DCDC2: variants seen among roughly 807,000 people sequenced by gnomAD.
DCDC2 encodes the protein doublecortin domain-containing protein 2.
A neutral mutation model predicts 50.2 loss-of-function variants in DCDC2; 40 were observed. The observed-to-expected ratio is 0.80, with a 90% confidence interval of 0.62 to 1.04. DCDC2 has a LOEUF of 1.04. Ranked by LOEUF, DCDC2 falls within the 50% of genes least tolerant of loss-of-function variation. DCDC2 has a pLI of 0.00. For missense variants in DCDC2, 570 were observed against 581.9 expected (o/e 0.98, Z 0.21); for synonymous variants, 234 against 210.6 (o/e 1.11, Z -0.96).
chr6:24,262,224 G>A (rs748617219), intron 7 of DCDC2, among the ~76,000 whole-genome samples: 1 of 151,212 alleles, frequency 6.6e-6, no homozygotes, highest in African/African-American at 2.4e-5. Flanking sequence ...GTAACTCACT[G>A]CTGCCTTGTC....
intron 7 of DCDC2, among the ~76,000 whole-genome samples, chr6:24,225,199 T>G (rs1002677410): frequency 6.6e-6 from 1 of 152,154 alleles, no homozygotes; most frequent in African/African-American, 2.4e-5. Flanking sequence ...ATAACTGCTG[T>G]GGGACTCTGG....
chr6:24,235,384 TGTAAAA>T (rs1762422305), intron 7 of DCDC2, among the ~76,000 whole-genome samples: 1 of 152,172 alleles, frequency 6.6e-6, no homozygotes, highest in Non-Finnish European at 1.5e-5. Context: ...GTTCCATAGA[TGTAAAA>T]GTTCTCAGCA....
chr6:24,244,375 GA>G, intron 7 of DCDC2, among the ~76,000 whole-genome samples: 1 of 152,306 alleles, frequency 6.6e-6, no homozygotes, highest in East Asian at 1.9e-4. Flanking sequence ...GGGATGGTGG[GA>G]AAAGGACAGA....
At chr6:24,281,765 T>C (rs1763477903) in intron 6 of DCDC2, among the ~76,000 whole-genome samples, 1 of 152,108 alleles carries the variant, frequency 6.6e-6, no homozygotes, top group Non-Finnish European at 1.5e-5. Context: ...GCATAAGAGA[T>C]AGGGGAGTTT....
intron 7 of DCDC2, among the ~76,000 whole-genome samples, chr6:24,234,724 A>T: frequency 6.6e-6 from 1 of 152,224 alleles, no homozygotes; most frequent in South Asian, 2.1e-4. Flanking sequence ...AGCGATATAG[A>T]CAGTTTTAGA....
rs1386175093 is a variant in DCDC2, at chr6:24,183,999, A to T, written c.1024-5367T>A. On this transcript the variant is annotated intron_variant, in intron 8 of 9. Transcript: ENST00000378454. Reference sequence around the variant, plus strand: ...CCGCTCTGTGCCAAACATCACACGCAGCATTTCATGCAACTCTCACAATAG... The same window carrying T: ...CCGCTCTGTGCCAAACATCACACGCTGCATTTCATGCAACTCTCACAATAG... Among the ~76,000 whole-genome samples the T allele has an allele frequency of 6.6e-5, 10 of 152,352 alleles. 1 individual carries two copies. The South Asian group carries it at 2.1e-3, about 32-fold the overall frequency.
At chr6:24,197,810 G>A (rs1761479939) in intron 8 of DCDC2, among the ~76,000 whole-genome samples, 1 of 152,148 alleles carries the variant, frequency 6.6e-6, no homozygotes, top group South Asian at 2.1e-4. Context: ...GTAGTCAGAG[G>A]ACAAGTGGTA....
chr6:24,291,240 T>A (rs886290210), intron 4 of DCDC2, among the ~76,000 whole-genome samples, 162 bp from the exon 5 acceptor site: 1 of 152,222 alleles, frequency 6.6e-6, no homozygotes, highest in African/African-American at 2.4e-5. Flanking sequence ...CATTATTGCA[T>A]TATAGATGCC....
intron 7 of DCDC2, among the ~76,000 whole-genome samples, chr6:24,242,389 C>T (rs1762581649): frequency 6.6e-6 from 1 of 152,102 alleles, no homozygotes; most frequent in African/African-American, 2.4e-5. Flanking sequence ...CTGCTCATGC[C>T]TCCAGCCTAG....
At position 24,225,894 on chromosome 6, in the gene DCDC2, CATATT is replaced by C. The variant is rs147557614; in HGVS notation, c.923-20797_923-20793del. Among the ~76,000 whole-genome samples, 417 of 152,266 alleles carry C rather than the reference CATATT, an allele frequency of 2.7e-3. 2 individuals are homozygous for C. The highest frequency in any genetic ancestry group is 5.0e-3 in the Non-Finnish European group (340 of 68,024). On this transcript the variant is annotated intron_variant, in intron 7 of 9. Transcript: ENST00000378454. ...ATATCAGAACAGTAAAAACAGTCAG[CATATT>C]ATAACAAAATCTAATACAGCAATTA...
the DCDC2 span, among the ~76,000 whole-genome samples, chr6:24,381,084 G>GAA: frequency 2.1e-3 from 194 of 91,762 alleles, 2 homozygotes; most frequent in African/African-American, 6.7e-3. Flanking sequence ...CTTGTCTCAA[G>GAA]AAAAAAAAAA....
chr6:24,360,359 C>G (rs1760646490), upstream of DCDC2, among the ~76,000 whole-genome samples: 1 of 152,174 alleles, frequency 6.6e-6, no homozygotes, highest in Non-Finnish European at 1.5e-5. Context: ...AGGCCCTGTG[C>G]TAGTTGGGGC....
intron 7 of DCDC2, among the ~76,000 whole-genome samples, chr6:24,220,845 T>TGGCGGCAGGAG (rs1762081503): frequency 4.9e-5 from 1 of 20,320 alleles, no homozygotes; most frequent in Non-Finnish European, 8.3e-5. Context: ...ACATCTTACA[T>TGGCGGCAGGAG]GGCGGCAGGA....
chr6:24,379,095 A>C, the DCDC2 span, among the ~76,000 whole-genome samples: 2 of 152,146 alleles, frequency 1.3e-5, no homozygotes, highest in African/African-American at 2.4e-5. Flanking sequence ...TAAAAACCCT[A>C]GAAGAAAACC....
intron 2 of DCDC2, among the ~76,000 whole-genome samples, chr6:24,319,953 G>A (rs1316285395): frequency 2.7e-5 from 4 of 150,308 alleles, no homozygotes; most frequent in East Asian, 4.4e-4. Flanking sequence ...GAAAGATACA[G>A]TAACAAATGA....
chr6:24,360,171 C>T (rs887811333), upstream of DCDC2, among the ~76,000 whole-genome samples: 5 of 152,238 alleles, frequency 3.3e-5, no homozygotes, highest in African/African-American at 1.2e-4. Context: ...ACCGCAGCCT[C>T]GCGCGGGGAG....
At chr6:24,375,328 G>A in the DCDC2 span, among the ~76,000 whole-genome samples, 225 of 152,078 alleles carry the variant, frequency 1.5e-3, 2 homozygotes, top group African/African-American at 5.3e-3. Context: ...CTATGAGGCC[G>A]GGTCACTCAT....
chr6:24,219,683 A>G (rs1264489785), intron 7 of DCDC2, among the ~76,000 whole-genome samples: 3 of 152,188 alleles, frequency 2.0e-5, no homozygotes, highest in Admixed American at 2.0e-4. Context: ...CTACCCATTG[A>G]TTTAATGCTC....
intron 1 of DCDC2, among the ~76,000 whole-genome samples, chr6:24,356,187 T>C (rs891439959): frequency 3.9e-5 from 6 of 152,226 alleles, no homozygotes; most frequent in African/African-American, 1.2e-4. Flanking sequence ...AGCATGGATA[T>C]AAAAGGTAAT....
Sources: allele counts gnomAD v4.1 joint callset (sites outside exome capture counted in the v4.1 genomes callset), GRCh38; gene constraint gnomAD v4.1.1; transcripts MANE v1.5; gene names NCBI Gene and HGNC (gene_info 2026-07-23, HGNC 2026-07-21).